Variants in SCAI observed in about 807,000 individuals in gnomAD.
SCAI encodes the protein suppressor of cancer cell invasion.
In SCAI, 24 loss-of-function variants were observed where a neutral mutation model predicts 92.2. That is an observed-to-expected ratio of 0.26 (90% confidence interval 0.19 to 0.37). The LOEUF (loss-of-function observed/expected upper bound fraction) is 0.37. SCAI is among the 10% of genes least tolerant of loss of function. The pLI, the probability that SCAI is intolerant of heterozygous loss-of-function variation, is 1.00. For synonymous variants in SCAI, 261 were observed against 258.6 expected (o/e 1.01, Z -0.09); for missense variants, 450 against 736.2 (o/e 0.61, Z 4.50).
intron 5 of SCAI, among the ~76,000 whole-genome samples, chr9:125,027,562 C>T (rs1012496909): frequency 6.6e-6 from 1 of 152,076 alleles, no homozygotes; most frequent in Non-Finnish European, 1.5e-5. Flanking sequence ...TCTTGTTGCC[C>T]AGGCTGGAGT....
chr9:125,045,862 T>A (rs1444544887), intron 3 of SCAI, among the ~76,000 whole-genome samples: 3 of 152,098 alleles, frequency 2.0e-5, no homozygotes, highest in Non-Finnish European at 4.4e-5. Flanking sequence ...TCTTAACATA[T>A]CTTTTTAATT....
chr9:124,990,874 A>T (rs1447524310), intron 14 of SCAI, among the ~76,000 whole-genome samples: 1 of 152,136 alleles, frequency 6.6e-6, no homozygotes. Flanking sequence ...TCTCACCAGG[A>T]CAGCACAATA....
chr9:124,962,090 T>C (rs1831446963), intron 17 of SCAI, among the ~76,000 whole-genome samples: 1 of 151,378 alleles, frequency 6.6e-6, no homozygotes, highest in South Asian at 2.1e-4. Flanking sequence ...TGTAGATCCT[T>C]CACTTTCCTT....
chr9:125,073,061 A>C (rs1220450584), intron 2 of SCAI, among the ~76,000 whole-genome samples: 1 of 145,558 alleles, frequency 6.9e-6, no homozygotes, highest in Non-Finnish European at 1.5e-5. Flanking sequence ...TAGAAGTAGA[A>C]TTGCTGGATC....
At chr9:125,107,427 A>G (rs866812082) in intron 2 of SCAI, among the ~76,000 whole-genome samples, 14 of 151,766 alleles carry the variant, frequency 9.2e-5, no homozygotes, top group Middle Eastern at 3.4e-3. Context: ...AAAAAAGAAA[A>G]AGAAAAGAAA....
At chr9:124,993,579 ACT>A (rs1409889984) in intron 14 of SCAI, among the ~76,000 whole-genome samples, 2 of 152,152 alleles carry the variant, frequency 1.3e-5, no homozygotes, top group Non-Finnish European at 2.9e-5. Flanking sequence ...AACGAGCGAA[ACT>A]CTGTCTCAAA....
At position 125,117,017 on chromosome 9, in the gene SCAI, ATCTG is replaced by A. The variant is rs1835058683; in HGVS notation, c.98+25612_98+25615del. Among the ~76,000 whole-genome samples, 3 of 152,336 alleles carry A rather than the reference ATCTG, an allele frequency of 2.0e-5. No individual in the cohort carries two copies. The East Asian group carries it at 5.8e-4, about 29-fold the overall frequency. ...ATGAAACATAAGAGAATAAAGAAAA[ATCTG>A]AGGCCTGCAGGAATTCTATGCTGAC... On this transcript the variant is annotated intron_variant, in intron 2 of 17. Coordinates refer to ENST00000336505, the MANE Select transcript of SCAI (RefSeq NM_001144877.3).
chr9:124,957,574 C>G (rs146494040), intron 17 of SCAI, among the ~76,000 whole-genome samples: 4,561 of 148,794 alleles, frequency 0.031, 177 homozygotes, highest in Admixed American at 0.091. Flanking sequence ...GTTTCACCAC[C>G]TTGGCCAGGC....
intron 9 of SCAI, among the ~76,000 whole-genome samples, chr9:125,005,258 A>T (rs1162344390): frequency 6.6e-6 from 1 of 152,222 alleles, no homozygotes; most frequent in Admixed American, 6.5e-5. Flanking sequence ...ATAAAAGAAG[A>T]GGAATTATTT....
At chr9:124,971,299 G>C in intron 17 of SCAI, 71 bp downstream of exon 17, 1 of 786,090 alleles carries the variant, frequency 1.3e-6, no homozygotes, top group East Asian at 2.6e-5. Context: ...TTTTATACAG[G>C]TAAAATATAA....
intron 2 of SCAI, among the ~76,000 whole-genome samples, chr9:125,134,461 G>C (rs1835475316): frequency 6.6e-6 from 1 of 152,040 alleles, no homozygotes; most frequent in Non-Finnish European, 1.5e-5. Context: ...AAAATGCCCG[G>C]ATCTCTTTGC....
intron 14 of SCAI, among the ~76,000 whole-genome samples, chr9:124,990,050 T>C (rs1464121426): frequency 6.6e-6 from 1 of 151,496 alleles, no homozygotes; most frequent in African/African-American, 2.4e-5. Context: ...GGCGTGCACC[T>C]GTAATCCGAG....
intron 2 of SCAI, among the ~76,000 whole-genome samples, chr9:125,107,008 C>T (rs1183369603): frequency 1.3e-5 from 2 of 151,952 alleles, no homozygotes; most frequent in Non-Finnish European, 2.9e-5. Flanking sequence ...AGCCACCATG[C>T]CTGGCCTTGA....
chr9:124,951,975 T>C lies in SCAI; in HGVS notation c.*832A>G, dbSNP rs895913812. 4 of 152,218 alleles carry C rather than the reference T, an allele frequency of 2.6e-5. No homozygotes were observed. Among genetic ancestry groups the C allele is most frequent in the African/African-American group, 9.7e-5 (4 of 41,446 alleles). 9.4% of individuals were successfully genotyped at this position (152,218 alleles called of 1,614,324 possible). A position where few individuals can be genotyped will look rare whatever the true frequency, so the allele number is the denominator to read the frequency against. On this transcript the variant is annotated 3_prime_UTR_variant, in exon 18 of 18. Transcript: ENST00000336505. Reference sequence around the variant, plus strand: ...TGAATGAGGCAAAAAATTAAAACTTTATGTCACAGACATCAATCCAGTCTT... The same window carrying C: ...TGAATGAGGCAAAAAATTAAAACTTCATGTCACAGACATCAATCCAGTCTT...
intron 2 of SCAI, among the ~76,000 whole-genome samples, chr9:125,100,019 A>T (rs1254435599): frequency 6.6e-6 from 1 of 152,264 alleles, no homozygotes; most frequent in Non-Finnish European, 1.5e-5. Flanking sequence ...AATCTGTTCA[A>T]GTACCTGCTT....
intron 2 of SCAI, among the ~76,000 whole-genome samples, chr9:125,083,056 T>A (rs1834253988): frequency 6.6e-6 from 1 of 152,206 alleles, no homozygotes; most frequent in Non-Finnish European, 1.5e-5. Flanking sequence ...AATCTCATCT[T>A]GAATTCCCAT....
At chr9:125,001,868 A>C in intron 12 of SCAI, 97 bp downstream of exon 12, 1 of 796,330 alleles carries the variant, frequency 1.3e-6, no homozygotes, top group Non-Finnish European at 2.1e-6. Flanking sequence ...GTCTGTCTAG[A>C]AAGGCTGAGA....
At chr9:125,069,569 C>T (rs772130240) in intron 2 of SCAI, among the ~76,000 whole-genome samples, 33 of 150,112 alleles carry the variant, frequency 2.2e-4, no homozygotes, top group Non-Finnish European at 4.3e-4. Flanking sequence ...CCGCCCGCCT[C>T]AGCCTCCCAA....
intron 2 of SCAI, among the ~76,000 whole-genome samples, chr9:125,121,860 A>C (rs944782743): frequency 6.6e-5 from 10 of 152,214 alleles, no homozygotes; most frequent in African/African-American, 1.9e-4. Context: ...GTCTCAAAAA[A>C]ATAAATAAAT....
Sources: allele counts gnomAD v4.1 joint callset (sites outside exome capture counted in the v4.1 genomes callset), GRCh38; gene constraint gnomAD v4.1.1; transcripts MANE v1.5; gene names NCBI Gene and HGNC (gene_info 2026-07-23, HGNC 2026-07-21).